SORCS2: variants seen among roughly 807,000 people sequenced by gnomAD.
SORCS2 encodes sortilin related VPS10 domain containing receptor 2.
SORCS2 carries 100 observed loss-of-function variants against 141.6 expected under a neutral mutation model. The ratio of observed to expected loss-of-function variants is 0.71; its 90% CI spans 0.60 to 0.83. The LOEUF is 0.83. SORCS2 is among the 40% of genes least tolerant of loss of function. The pLI, the probability that SORCS2 is intolerant of heterozygous loss-of-function variation, is 0.00. For missense variants in SORCS2, 1,646 were observed against 1,560.2 expected, an observed-to-expected ratio of 1.05 and a Z score of -0.93; for synonymous variants, 789 against 676.9, an observed-to-expected ratio of 1.17 and a Z score of -2.57.
At chr4:7,287,132 T>TG (rs1283339254) in intron 1 of SORCS2, among the ~76,000 whole-genome samples, 2 of 152,136 alleles carry the variant, frequency 1.3e-5, no homozygotes, top group East Asian at 1.9e-4. Context: ...GGGGTTCCCT[T>TG]GGGGGGTCTC....
chr4:7,595,371 G>A lies in SORCS2; in HGVS notation c.649-42957G>A, dbSNP rs550754664. ...TGTGGGGGCTTCATTACGTAGGCAC[G>A]GTGGATTAAGTCACTGGCCATTGGT... On this transcript the variant is annotated intron_variant, in intron 3 of 26. Coordinates refer to ENST00000507866, the MANE Select transcript of SORCS2 (RefSeq NM_020777.3). Among the ~76,000 whole-genome samples the A allele has an allele frequency of 3.9e-5, 6 of 152,212 alleles. No individual in the cohort carries two copies. In the East Asian group the frequency reaches 7.7e-4, roughly 20 times the overall value.
At chr4:7,686,275 C>T (rs1374338884) in intron 10 of SORCS2, among the ~76,000 whole-genome samples, 1 of 152,254 alleles carries the variant, frequency 6.6e-6, no homozygotes, top group Non-Finnish European at 1.5e-5. Flanking sequence ...CAGCATAAAA[C>T]TTCATTCACC....
At chr4:7,406,784 T>C (rs1724995892) in intron 2 of SORCS2, among the ~76,000 whole-genome samples, 2 of 152,046 alleles carry the variant, frequency 1.3e-5, no homozygotes, top group African/African-American at 4.8e-5. Context: ...TGGTTTGTTT[T>C]TTCTAGTTCC....
At chr4:7,460,427 C>T (rs1410243187) in intron 2 of SORCS2, among the ~76,000 whole-genome samples, 1 of 152,240 alleles carries the variant, frequency 6.6e-6, no homozygotes, top group African/African-American at 2.4e-5. Flanking sequence ...AGCTTCAGAA[C>T]AGCTCGGTGG....
At chr4:7,543,682 A>G (rs1350711647) in intron 3 of SORCS2, among the ~76,000 whole-genome samples, 30 of 91,778 alleles carry the variant, frequency 3.3e-4, no homozygotes, top group Non-Finnish European at 6.3e-4. Flanking sequence ...CCATCCACCC[A>G]TCCACCCATC....
At chr4:7,675,398 G>A (rs961450400) in intron 8 of SORCS2, among the ~76,000 whole-genome samples, 3 of 152,162 alleles carry the variant, frequency 2.0e-5, no homozygotes, top group East Asian at 1.9e-4. Context: ...GGCAGGGACC[G>A]GCACAGGGGG....
intron 1 of SORCS2, among the ~76,000 whole-genome samples, chr4:7,279,512 G>A (rs1207117431): frequency 6.6e-6 from 1 of 152,162 alleles, no homozygotes; most frequent in East Asian, 1.9e-4. Context: ...TACTTGTAAC[G>A]GCTCAAAATG....
At chr4:7,666,663 C>G (rs1295850479) in intron 7 of SORCS2, among the ~76,000 whole-genome samples, 1 of 152,184 alleles carries the variant, frequency 6.6e-6, no homozygotes, top group Non-Finnish European at 1.5e-5. Context: ...CTTTCTGTCT[C>G]TGGGAACAGA....
At chr4:7,447,440 G>T (rs1728070204) in intron 2 of SORCS2, among the ~76,000 whole-genome samples, 1 of 152,204 alleles carries the variant, frequency 6.6e-6, no homozygotes, top group African/African-American at 2.4e-5. Context: ...TTCCAGATGG[G>T]AACACTGAGG....
chr4:7,279,864 G>GC (rs372374554), intron 1 of SORCS2, among the ~76,000 whole-genome samples: 2 of 74,332 alleles, frequency 2.7e-5, no homozygotes, highest in African/African-American at 5.0e-5. Flanking sequence ...CCCCTCCCCC[G>GC]CCCCCCAATT....
intron 3 of SORCS2, among the ~76,000 whole-genome samples, chr4:7,636,978 G>A (rs986078576): frequency 3.3e-5 from 5 of 152,094 alleles, no homozygotes; most frequent in Non-Finnish European, 5.9e-5. Flanking sequence ...TGGCCGTGGT[G>A]ATGTGCAGAT....
intron 1 of SORCS2, among the ~76,000 whole-genome samples, chr4:7,197,488 C>T (rs1577264522): frequency 6.6e-6 from 1 of 152,036 alleles, no homozygotes; most frequent in African/African-American, 2.4e-5. Flanking sequence ...CACCCTCCCC[C>T]GATAATGCTG....
Position 7,663,904 on chromosome 4 carries a change from A to G in SORCS2, c.953-449A>G, listed in dbSNP as rs1722337364. 6.6e-6 allele frequency among the ~76,000 whole-genome samples: 1 copy of G among 152,212 alleles called. No homozygotes were observed. The highest frequency in any genetic ancestry group is 1.5e-5 in the Non-Finnish European group (1 of 68,046). On this transcript the variant is annotated intron_variant, in intron 6 of 26. Coordinates refer to ENST00000507866, the MANE Select transcript of SORCS2 (RefSeq NM_020777.3). The surrounding 1 kb of genome is among the most constrained non-coding windows in gnomAD (Gnocchi z 4.8). ...CAAATTAGCAGCTCCCTGACAAAGCATGCATTCAGTATTGCTCAACCATAA... is the reference window on the plus strand; with the variant it reads ...CAAATTAGCAGCTCCCTGACAAAGCGTGCATTCAGTATTGCTCAACCATAA...
intron 14 of SORCS2, among the ~76,000 whole-genome samples, chr4:7,711,512 G>T (rs1365907493): frequency 6.6e-6 from 1 of 152,156 alleles, no homozygotes; most frequent in East Asian, 1.9e-4. Flanking sequence ...CCACAAGCTG[G>T]ACTGGAGAAG....
At position 7,396,135 on chromosome 4, in the gene SORCS2, C is replaced by T; in HGVS notation, c.481-153C>T. On this transcript the variant is annotated intron_variant, in intron 1 of 26. Transcript: ENST00000507866. Reference sequence around the variant, plus strand: ...TCTAAGGGCTCTCATGTAGGGTGGCCCAGAGCCTCTCAGGGATACTGACTA... The same window carrying T: ...TCTAAGGGCTCTCATGTAGGGTGGCTCAGAGCCTCTCAGGGATACTGACTA... 4 of 633,380 alleles carry T rather than the reference C, an allele frequency of 6.3e-6. No individual in the cohort carries two copies. The South Asian group carries it at 8.1e-5, about 13-fold the overall frequency. The allele number at this position is 633,380 out of a possible 1,614,324, so 39.2% of individuals were successfully genotyped here.
At chr4:7,527,708 A>C (rs1733785120) in intron 2 of SORCS2, among the ~76,000 whole-genome samples, 1 of 152,286 alleles carries the variant, frequency 6.6e-6, no homozygotes, top group South Asian at 2.1e-4. Context: ...AGGTGAAGTC[A>C]GCCTGCCAGT....
chr4:7,558,073 G>T (rs1560384795), intron 3 of SORCS2, among the ~76,000 whole-genome samples: 2 of 152,214 alleles, frequency 1.3e-5, no homozygotes, highest in South Asian at 2.1e-4. Flanking sequence ...GTGAGGAGGG[G>T]TCCTGGAGCT....
Position 7,664,477 on chromosome 4 carries a change from G to T in SORCS2, c.1071+6G>T. 6.3e-7 allele frequency: 1 copy of T among 1,591,144 alleles called. No individual in the cohort carries two copies. The highest frequency in any genetic ancestry group is 8.6e-7 in the Non-Finnish European group (1 of 1,164,588). ...ACGATTACATCTTCTTTAAGGTAAGGTTGCTTCTGGGGCTTTTGGAAATTG... is the reference window on the plus strand; with the variant it reads ...ACGATTACATCTTCTTTAAGGTAAGTTTGCTTCTGGGGCTTTTGGAAATTG... On this transcript the variant is annotated splice_donor_region_variant and intron_variant, in intron 7 of 26. Coordinates refer to ENST00000507866, the MANE Select transcript of SORCS2 (RefSeq NM_020777.3). The surrounding 1 kb of genome is among the most constrained non-coding windows in gnomAD (Gnocchi z 4.7).
At chr4:7,519,819 G>T (rs1186353912) in intron 2 of SORCS2, among the ~76,000 whole-genome samples, 1 of 152,132 alleles carries the variant, frequency 6.6e-6, no homozygotes, top group Non-Finnish European at 1.5e-5. Flanking sequence ...GGGCGCACAT[G>T]GGGGCTTCTG....
Sources: allele counts gnomAD v4.1 joint callset (sites outside exome capture counted in the v4.1 genomes callset), GRCh38; gene constraint gnomAD v4.1.1; non-coding constraint Gnocchi (gnomAD v3.1); transcripts MANE v1.5; gene names NCBI Gene and HGNC (gene_info 2026-07-23, HGNC 2026-07-21).